The following EGFR variants were observed in gnomAD, a reference collection of about 807,000 sequenced individuals.
EGFR encodes the protein avian erythroblastic leukemia viral (v-erb-b) oncogene homolog.
In EGFR, 58 loss-of-function variants were observed where a neutral mutation model predicts 143.0. The observed-to-expected ratio is 0.41, with a 90% CI of 0.33 to 0.50. The LOEUF (loss-of-function observed/expected upper bound fraction) is 0.50, where lower values mean the gene tolerates loss of function less well. Among genes scored for constraint, EGFR ranks in the 20% least tolerant of loss-of-function variants. EGFR has a pLI of 0.39. For synonymous variants in EGFR, 613 were observed against 594.4 expected, an observed-to-expected ratio of 1.03 and a Z score of -0.45; for missense variants, 1,307 against 1,579.0, an observed-to-expected ratio of 0.83 and a Z score of 2.92.
At chr7:55,204,626 GACACACACCACACATACATACACAT>G (rs1188906985) in intron 27 of EGFR, among the ~76,000 whole-genome samples, 1 of 66,178 alleles carries the variant, frequency 1.5e-5, no homozygotes, top group Non-Finnish European at 2.8e-5. Flanking sequence ...ACACACCACA[GACACACACCACACATACATACACAT>G]ACACACACCA....
intron 22 of EGFR, among the ~76,000 whole-genome samples, chr7:55,194,165 C>G (rs1327031679): frequency 6.6e-6 from 1 of 152,106 alleles, no homozygotes; most frequent in Non-Finnish European, 1.5e-5. Context: ...TGCTGGTCTC[C>G]CCTCTTCCCA....
chr7:55,055,125 C>T (rs542398959), intron 1 of EGFR, among the ~76,000 whole-genome samples: 3 of 152,268 alleles, frequency 2.0e-5, no homozygotes, highest in South Asian at 2.1e-4. Context: ...TGGGTCGGCC[C>T]GTACCAGCCC....
At chr7:55,071,609 C>G (rs999181423) in intron 1 of EGFR, among the ~76,000 whole-genome samples, 1 of 152,230 alleles carries the variant, frequency 6.6e-6, no homozygotes, top group Non-Finnish European at 1.5e-5. Context: ...GCATGGGTCT[C>G]TTCCTTTCTA....
At chr7:55,135,748 G>A (rs1794099949) in intron 1 of EGFR, among the ~76,000 whole-genome samples, 1 of 152,046 alleles carries the variant, frequency 6.6e-6, no homozygotes, top group Non-Finnish European at 1.5e-5. Flanking sequence ...TCATAGACTA[G>A]TCTAGTTCTA....
At chr7:55,111,198 A>G (rs1374655255) in intron 1 of EGFR, among the ~76,000 whole-genome samples, 3 of 152,126 alleles carry the variant, frequency 2.0e-5, no homozygotes, top group Admixed American at 6.6e-5. Flanking sequence ...TCTAACTCTA[A>G]TGGATTCCTT....
intron 1 of EGFR, among the ~76,000 whole-genome samples, chr7:55,042,991 C>G (rs1032010931): frequency 6.6e-6 from 1 of 152,062 alleles, no homozygotes; most frequent in African/African-American, 2.4e-5. Flanking sequence ...AAGCACAGCC[C>G]TCTATAAGTA....
intron 17 of EGFR, 119 bp downstream of exon 17, chr7:55,173,243 A>C: frequency 7.0e-7 from 1 of 1,423,782 alleles, no homozygotes; most frequent in Non-Finnish European, 9.5e-7. Flanking sequence ...ATTATGATGC[A>C]GAAAGAATCT....
Position 55,153,940 on chromosome 7 carries a change from C to T in EGFR, c.748-71C>T, listed in dbSNP as rs1785280048. The stretch of plus-strand genomic sequence containing the variant: ...CTTTCTGACGGGAGTCAACACCGTG[C>T]TGCGCTTCCTCCGTGTGTGGCGCTG... On this transcript the variant is annotated intron_variant, in intron 6 of 27. Transcript: ENST00000275493. 4 of 1,607,738 alleles carry T rather than the reference C, an allele frequency of 2.5e-6. No individual in the cohort carries two copies. In the East Asian group the frequency reaches 6.7e-5, roughly 27 times the overall value.
At chr7:55,079,033 C>T (rs181066559) in intron 1 of EGFR, among the ~76,000 whole-genome samples, 1 of 152,240 alleles carries the variant, frequency 6.6e-6, no homozygotes, top group Non-Finnish European at 1.5e-5. Context: ...AGGGAGTTCT[C>T]GTCCATTCCT....
At chr7:55,138,864 G>C (rs1001727742) in intron 1 of EGFR, among the ~76,000 whole-genome samples, 1 of 152,198 alleles carries the variant, frequency 6.6e-6, no homozygotes, top group African/African-American at 2.4e-5. Context: ...CATCTGCTTG[G>C]CAGCTGGTGA....
chr7:55,095,411 G>A (rs1006129225), intron 1 of EGFR, among the ~76,000 whole-genome samples: 13 of 152,194 alleles, frequency 8.5e-5, no homozygotes, highest in African/African-American at 1.4e-4. Flanking sequence ...ACAGGCAGGC[G>A]TGCCACAGTC....
Position 55,204,440 on chromosome 7 carries a change from A to C in EGFR, c.3272-816A>C, listed in dbSNP as rs371366977. 4.0e-5 allele frequency among the ~76,000 whole-genome samples: 6 copies of C among 150,282 alleles called. No individual in the cohort carries two copies. In the East Asian group the frequency reaches 1.2e-3, roughly 29 times the overall value. On this transcript the variant is annotated intron_variant, in intron 27 of 27. Coordinates refer to ENST00000275493, the MANE Select transcript of EGFR (RefSeq NM_005228.5). Reference sequence around the variant, plus strand: ...ACACCATATGTACACATGTACACACACACCACATATACACACAACACACAC... The same window carrying C: ...ACACCATATGTACACATGTACACACCCACCACATATACACACAACACACAC...
intron 1 of EGFR, among the ~76,000 whole-genome samples, chr7:55,113,337 T>C (rs1792630533): frequency 6.6e-6 from 1 of 152,178 alleles, no homozygotes. Context: ...AAACATGGTA[T>C]TGCCTCGATA....
At chr7:55,071,262 G>A (rs1323791004) in intron 1 of EGFR, among the ~76,000 whole-genome samples, 5 of 152,192 alleles carry the variant, frequency 3.3e-5, no homozygotes, top group African/African-American at 1.2e-4. Context: ...ATAGAAGATA[G>A]GAACACATAT....
At chr7:55,027,624 C>A (rs1446675215) in intron 1 of EGFR, among the ~76,000 whole-genome samples, 1 of 152,186 alleles carries the variant, frequency 6.6e-6, no homozygotes, top group Non-Finnish European at 1.5e-5. Context: ...TTCTCCCCAA[C>A]AGCAACAGCA....
chr7:55,128,947 ATCTGTTG>A (rs1294528486), intron 1 of EGFR, among the ~76,000 whole-genome samples: 3 of 152,258 alleles, frequency 2.0e-5, no homozygotes, highest in Non-Finnish European at 4.4e-5. Flanking sequence ...AGGGAATCAC[ATCTGTTG>A]AAAACTTATA....
rs2128933787 is a variant in EGFR, at chr7:55,152,605, G to A, written c.688G>A (p.Asp230Asn). Residue 230 changes from aspartate to asparagine, a missense_variant, in exon 6 of 28, where the codon GAC becomes AAC. By Grantham distance (23) the Asp-to-Asn change is conservative. Transcript: ENST00000275493. ...GCGCTGCCGTGGCAAGTCCCCCAGT[G>A]ACTGCTGCCACAACCAGTGTGCTGC... ...SGRCRGKSPS[D>N]CCHNQCAAGC... The A allele has an allele frequency of 6.2e-7, 1 of 1,613,838 alleles. No homozygotes were observed. The highest frequency in any genetic ancestry group is 1.1e-5 in the South Asian group (1 of 91,084).
chr7:55,123,885 ATG>A (rs5884400), intron 1 of EGFR, among the ~76,000 whole-genome samples: 77,425 of 151,354 alleles, frequency 0.51, 20,427 homozygotes, highest in East Asian at 0.69. Flanking sequence ...GTGTAAATGG[ATG>A]TGTGTGTGTG....
intron 20 of EGFR, among the ~76,000 whole-genome samples, chr7:55,183,232 T>G (rs763809364): frequency 6.6e-6 from 1 of 152,302 alleles, no homozygotes; most frequent in East Asian, 1.9e-4. Context: ...TGAAAATTGC[T>G]AAGAGAGTCT....
Sources: allele counts gnomAD v4.1 joint callset (sites outside exome capture counted in the v4.1 genomes callset), GRCh38; gene constraint gnomAD v4.1.1; transcripts MANE v1.5; gene names NCBI Gene and HGNC (gene_info 2026-07-23, HGNC 2026-07-21).